The following KIF7 variants were observed in gnomAD, a reference collection of about 807,000 sequenced individuals.
The protein encoded by KIF7 is kinesin family member 7.
Under a neutral mutation model 135.7 loss-of-function variants are expected in KIF7, and 104 were observed. The observed-to-expected ratio is 0.77, with a 90% CI of 0.65 to 0.90. KIF7 has a LOEUF of 0.90. Among genes scored for constraint, KIF7 ranks in the 40% least tolerant of loss-of-function variants. The pLI is 0.00. For missense variants in KIF7, 2,005 were observed against 1,839.1 expected (o/e 1.09, Z -1.65); for synonymous variants, 883 against 809.4 (o/e 1.09, Z -1.54).
At position 89,629,151 on chromosome 15, in the gene KIF7, G is replaced by C; in HGVS notation, c.3518-29C>G. The C allele has an allele frequency of 2.5e-6, 4 of 1,607,496 alleles. No individual in the cohort carries two copies. The South Asian group carries it at 4.4e-5, about 18-fold the overall frequency. On this transcript the variant is annotated intron_variant, in intron 17 of 18. Coordinates refer to ENST00000394412, the MANE Select transcript of KIF7 (RefSeq NM_198525.3). ...GAGTGGAAAGGTCGAGGAGAGGGTG[G>C]TGAGGGCTGCAGGCGGGGCAGGCGG...
chr15:89,625,035 TAAG>T (rs1239100570), downstream of KIF7: 13 of 1,613,812 alleles, frequency 8.1e-6, no homozygotes, highest in African/African-American at 6.7e-5. Context: ...AACTTCGAAT[TAAG>T]AAGATAGACC....
chr15:89,659,163 G>A (rs1292548747), upstream of KIF7, among the ~76,000 whole-genome samples: 1 of 152,100 alleles, frequency 6.6e-6, no homozygotes, highest in East Asian at 1.9e-4. Flanking sequence ...GCAACAAGCT[G>A]GAAGAAGATA....
chr15:89,650,028 A>G (rs1964099871), intron 2 of KIF7, 87 bp from the exon 3 acceptor site: 2 of 1,341,082 alleles, frequency 1.5e-6, no homozygotes, highest in African/African-American at 2.9e-5. Flanking sequence ...CCCCTGCCAG[A>G]GCTGGAGGAT....
At chr15:89,621,961 C>G (rs1963432536) in intron 1 of KIF7, among the ~76,000 whole-genome samples, 1 of 141,366 alleles carries the variant, frequency 7.1e-6, no homozygotes, top group Non-Finnish European at 1.5e-5. Context: ...GAGTCCTGCC[C>G]ATTTTATTTA....
chr15:89,657,545 G>T (rs2141512741), upstream of KIF7, among the ~76,000 whole-genome samples: 1 of 152,216 alleles, frequency 6.6e-6, no homozygotes, highest in East Asian at 1.9e-4. Context: ...CAACAATCTG[G>T]TGTGTACCCG....
chr15:89,654,787 G>C (rs886580814), intron 1 of KIF7, among the ~76,000 whole-genome samples: 1 of 152,184 alleles, frequency 6.6e-6, no homozygotes, highest in Non-Finnish European at 1.5e-5. Flanking sequence ...CCGCCAGCCC[G>C]GCACTTCATT....
At chr15:89,640,571 C>T (rs969559998) in intron 11 of KIF7, among the ~76,000 whole-genome samples, 2 of 151,936 alleles carry the variant, frequency 1.3e-5, no homozygotes, top group African/African-American at 4.8e-5. Flanking sequence ...AACCACTCCA[C>T]GATATTGTCT....
chr15:89,629,215 G>T, intron 17 of KIF7, 93 bp from the exon 18 acceptor site: 1 of 1,084,764 alleles, frequency 9.2e-7, no homozygotes, highest in South Asian at 1.4e-5. Flanking sequence ...CTGGGTGGGG[G>T]CCGGGGTTGT....
downstream of KIF7, chr15:89,625,686 C>T: frequency 1.2e-6 from 2 of 1,613,674 alleles, no homozygotes; most frequent in Non-Finnish European, 8.5e-7. Flanking sequence ...GGATCTGTGA[C>T]CTGAGAGAAG....
chr15:89,655,022 AC>A (rs1964185895), intron 1 of KIF7, among the ~76,000 whole-genome samples: 2 of 152,006 alleles, frequency 1.3e-5, no homozygotes, highest in Admixed American at 1.3e-4. Flanking sequence ...TGCTCTGACA[AC>A]CCCGCAGGCG....
chr15:89,618,903 G>A (rs1963378221), intron 1 of KIF7, among the ~76,000 whole-genome samples: 1 of 152,222 alleles, frequency 6.6e-6, no homozygotes, highest in Non-Finnish European at 1.5e-5. Flanking sequence ...AGGCTGCAGT[G>A]AGCTATGATC....
intron 11 of KIF7, among the ~76,000 whole-genome samples, chr15:89,640,171 C>T (rs8032486): frequency 0.5 from 75,585 of 149,856 alleles, 19,726 homozygotes; most frequent in Non-Finnish European, 0.58. Flanking sequence ...AGGGATAGCA[C>T]TGGGAGATAT....
At chr15:89,617,990 C>T (rs1339921415) in intron 2 of KIF7, 1 of 753,896 alleles carries the variant, frequency 1.3e-6, no homozygotes, top group Non-Finnish European at 2.3e-6. Flanking sequence ...CTGTGGCCAG[C>T]CTCCCTCTTG....
At chr15:89,631,761 AG>A (rs1468039783) in intron 14 of KIF7, 51 bp from the exon 15 acceptor site, 7 of 1,454,656 alleles carry the variant, frequency 4.8e-6, no homozygotes, top group South Asian at 2.6e-5. Flanking sequence ...CTGTCCTCAC[AG>A]GGGGGACAGA....
rs561782139 is a variant in KIF7, at chr15:89,649,706, C to G, written c.529+35G>C. ...CAAACAGGTGAAGCCCCCCTAAGCC[C>G]CTCTCCGTCAGTGGAGGACCCCAGA... On this transcript the variant is annotated intron_variant, in intron 3 of 18. Coordinates refer to ENST00000394412, the MANE Select transcript of KIF7 (RefSeq NM_198525.3). The G allele has an allele frequency of 4.5e-6, 7 of 1,546,474 alleles. No individual in the cohort carries two copies. In the South Asian group the frequency reaches 7.2e-5, roughly 16 times the overall value.
chr15:89,640,347 C>G, intron 11 of KIF7, among the ~76,000 whole-genome samples: 1 of 152,014 alleles, frequency 6.6e-6, no homozygotes, highest in East Asian at 1.9e-4. Context: ...ATGGTAAATA[C>G]TACGACATTT....
chr15:89,637,349 T>C (rs1265769210), intron 11 of KIF7, among the ~76,000 whole-genome samples: 1 of 145,772 alleles, frequency 6.9e-6, no homozygotes, highest in Non-Finnish European at 1.5e-5. Context: ...CTGAAGGAAA[T>C]AGAGACACAA....
downstream of KIF7, chr15:89,624,221 C>T: frequency 6.2e-7 from 1 of 1,614,186 alleles, no homozygotes; most frequent in East Asian, 2.2e-5. Flanking sequence ...ACTTCTTCCC[C>T]ACCTGTTACG....
chr15:89,645,512 C>T (rs1368010473), intron 8 of KIF7, 61 bp from the exon 9 acceptor site: 2 of 1,370,524 alleles, frequency 1.5e-6, no homozygotes, highest in Non-Finnish European at 1.0e-6. Context: ...CTAGCCACCC[C>T]CAGGCCTGGA....
Sources: allele counts gnomAD v4.1 joint callset (sites outside exome capture counted in the v4.1 genomes callset), GRCh38; gene constraint gnomAD v4.1.1; transcripts MANE v1.5; gene names NCBI Gene and HGNC (gene_info 2026-07-23, HGNC 2026-07-21).